The following ANTXR1 variants were observed in gnomAD, a reference collection of about 807,000 sequenced individuals.
ANTXR1 encodes anthrax toxin receptor 1.
ANTXR1 carries 19 observed loss-of-function variants against 78.1 expected under a neutral mutation model. The observed-to-expected ratio is 0.24, with a 90% CI of 0.17 to 0.36. ANTXR1 has a LOEUF of 0.36. ANTXR1 is among the 10% of genes least tolerant of loss of function. The probability of loss-of-function intolerance (pLI) is 1.00; values close to 1 mark genes in which losing one functional copy is unlikely to be tolerated. For missense variants in ANTXR1, 518 were observed against 718.6 expected (o/e 0.72, Z 3.19); for synonymous variants, 273 against 260.5 (o/e 1.05, Z -0.46).
intron 10 of ANTXR1, among the ~76,000 whole-genome samples, chr2:69,108,314 T>C (rs1671875370): frequency 6.6e-6 from 1 of 150,724 alleles, no homozygotes; most frequent in African/African-American, 2.4e-5. Flanking sequence ...AACTAGAGAG[T>C]GAACAGAACT....
chr2:69,215,187 G>T (rs943636263), intron 17 of ANTXR1, among the ~76,000 whole-genome samples: 1 of 152,172 alleles, frequency 6.6e-6, no homozygotes, highest in Non-Finnish European at 1.5e-5. Context: ...TAGCCCCATG[G>T]GGACAGCCTC....
chr2:69,204,222 G>C (rs1674841767), intron 17 of ANTXR1, among the ~76,000 whole-genome samples: 1 of 152,156 alleles, frequency 6.6e-6, no homozygotes, highest in African/African-American at 2.4e-5. Flanking sequence ...GGGAAGTTCT[G>C]TTCTGGCCAG....
At chr2:69,224,214 T>TA (rs1463148179) in intron 17 of ANTXR1, among the ~76,000 whole-genome samples, 2 of 152,226 alleles carry the variant, frequency 1.3e-5, no homozygotes, top group African/African-American at 4.8e-5. Flanking sequence ...TTCCTTTTGA[T>TA]ACCATCCTCA....
At chr2:69,216,448 T>C (rs1160644488) in intron 17 of ANTXR1, among the ~76,000 whole-genome samples, 1 of 152,158 alleles carries the variant, frequency 6.6e-6, no homozygotes, top group Non-Finnish European at 1.5e-5. Context: ...TACATATATG[T>C]ATATACACAC....
chr2:69,124,844 C>T lies in ANTXR1; in HGVS notation c.951+201C>T, dbSNP rs1672479642. Among the ~76,000 whole-genome samples, 3 of 152,174 alleles carry T rather than the reference C, an allele frequency of 2.0e-5. No homozygotes were observed. In the South Asian group the frequency reaches 6.2e-4, roughly 32 times the overall value. Reference sequence around the variant, plus strand: ...GTACCCCAGAGTGTATCAGGCATGTCTGTGTTAAGTTCTCCAGCTTCCCCA... The same window carrying T: ...GTACCCCAGAGTGTATCAGGCATGTTTGTGTTAAGTTCTCCAGCTTCCCCA... On this transcript the variant is annotated intron_variant, in intron 12 of 17. Transcript: ENST00000303714.
chr2:69,212,547 T>C (rs1675068030), intron 17 of ANTXR1, among the ~76,000 whole-genome samples: 1 of 152,176 alleles, frequency 6.6e-6, no homozygotes, highest in African/African-American at 2.4e-5. Context: ...TAACCTATGC[T>C]TTATGATAAA....
At chr2:69,172,273 A>G (rs1222646380) in intron 14 of ANTXR1, 10 of 1,001,900 alleles carry the variant, frequency 1.0e-5, no homozygotes, top group African/African-American at 1.6e-5. Flanking sequence ...ACTTTTTAGC[A>G]TCAGGCGCTT....
intron 10 of ANTXR1, among the ~76,000 whole-genome samples, chr2:69,120,153 A>G (rs746009051): frequency 1.3e-5 from 2 of 152,248 alleles, no homozygotes; most frequent in Non-Finnish European, 2.9e-5. Context: ...GGGCAAAATC[A>G]TCTAACGCAA....
intron 12 of ANTXR1, among the ~76,000 whole-genome samples, chr2:69,129,644 A>G (rs552841683): frequency 1.3e-5 from 2 of 152,014 alleles, no homozygotes; most frequent in Non-Finnish European, 2.9e-5. Flanking sequence ...CCAGCTACTC[A>G]GGAGGCTGAG....
At chr2:69,050,464 T>A (rs1231960339) in intron 3 of ANTXR1, among the ~76,000 whole-genome samples, 1 of 151,996 alleles carries the variant, frequency 6.6e-6, no homozygotes, top group Non-Finnish European at 1.5e-5. Flanking sequence ...ATTCTGGGGC[T>A]TTATTTCATA....
chr2:69,077,948 C>G (rs1248892818), intron 8 of ANTXR1, among the ~76,000 whole-genome samples: 1 of 152,234 alleles, frequency 6.6e-6, no homozygotes, highest in African/African-American at 2.4e-5. Context: ...GCCTAGGCAT[C>G]TGGTCTGGGG....
At chr2:69,086,441 C>T (rs1254905696) in intron 8 of ANTXR1, among the ~76,000 whole-genome samples, 2 of 152,242 alleles carry the variant, frequency 1.3e-5, no homozygotes, top group East Asian at 1.9e-4. Context: ...CTCTCTTACT[C>T]GTCCTCCCAC....
chr2:69,089,004 G>A (rs1427281491), intron 8 of ANTXR1, among the ~76,000 whole-genome samples: 1 of 152,208 alleles, frequency 6.6e-6, no homozygotes, highest in East Asian at 1.9e-4. Context: ...AGGAACTGAG[G>A]CTGCACCTGT....
intron 12 of ANTXR1, among the ~76,000 whole-genome samples, chr2:69,131,442 T>C (rs1292056759): frequency 6.6e-6 from 1 of 152,356 alleles, no homozygotes; most frequent in Non-Finnish European, 1.5e-5. Context: ...TACCAATGTT[T>C]CACAGGAAGG....
intron 17 of ANTXR1, among the ~76,000 whole-genome samples, chr2:69,241,168 G>T (rs1196115946): frequency 6.6e-6 from 1 of 152,080 alleles, no homozygotes; most frequent in Non-Finnish European, 1.5e-5. Context: ...AATAAAACTG[G>T]GTCACAAAGA....
rs550263056 is a variant in ANTXR1, at chr2:69,141,116, G to A, written c.952-11053G>A. 6.3e-4 allele frequency among the ~76,000 whole-genome samples: 96 copies of A among 152,222 alleles called. 1 individual carries two copies. The South Asian group carries it at 0.012, about 18-fold the overall frequency. ...CTGAATTTCTCAAATGTGTAATCTG[G>A]GACCACCCACTAACACCATAGCTCT... On this transcript the variant is annotated intron_variant, in intron 12 of 17. Transcript: ENST00000303714.
rs974149995 is a variant in ANTXR1 at position 69,013,339 on chromosome 2, C to A, written c.-161C>A. On this transcript the variant is annotated 5_prime_UTR_variant, in exon 1 of 18. Coordinates refer to ENST00000303714, the MANE Select transcript of ANTXR1 (RefSeq NM_032208.3). This position sits in a 1 kb window ranked among gnomAD's most constrained non-coding sequence, Gnocchi z 5.0. ...ATCGGAGCGGAAACCAGAGGGGAAACCTTGAACTCCTCCAGACAATTGCTT... is the reference window on the plus strand; with the variant it reads ...ATCGGAGCGGAAACCAGAGGGGAAAACTTGAACTCCTCCAGACAATTGCTT... The A allele has an allele frequency of 2.4e-5, 24 of 981,596 alleles. No individual in the cohort carries two copies. Among genetic ancestry groups the A allele is most frequent in the Non-Finnish European group, 3.4e-5 (22 of 653,258 alleles). 60.8% of individuals were successfully genotyped at this position (981,596 alleles called of 1,614,324 possible). A position where few individuals can be genotyped will look rare whatever the true frequency, so the allele number is the denominator to read the frequency against.
intron 12 of ANTXR1, among the ~76,000 whole-genome samples, chr2:69,135,781 CAGG>C (rs1158373741): frequency 6.6e-6 from 1 of 151,988 alleles, no homozygotes; most frequent in Non-Finnish European, 1.5e-5. Flanking sequence ...TCCACCATCA[CAGG>C]AGGTTTCTAT....
At chr2:69,098,604 A>G (rs1483269995) in intron 9 of ANTXR1, among the ~76,000 whole-genome samples, 1 of 152,256 alleles carries the variant, frequency 6.6e-6, no homozygotes, top group African/African-American at 2.4e-5. Context: ...ACAGAATGGA[A>G]TAAATCTATC....
Sources: gnomAD v4.1 joint callset for allele counts (sites outside exome capture counted in the v4.1 genomes callset) on GRCh38, gnomAD v4.1.1 for gene constraint, Gnocchi (gnomAD v3.1) non-coding constraint, MANE v1.5 for transcripts, NCBI Gene and HGNC (gene_info 2026-07-23, HGNC 2026-07-21) for gene names.